Variants in NBAS observed in about 807,000 individuals in gnomAD.
NBAS encodes NBAS subunit of NRZ tethering complex.
A neutral mutation model predicts 302.5 loss-of-function variants in NBAS; 219 were observed. The ratio of observed to expected loss-of-function variants is 0.72; its 90% CI spans 0.65 to 0.81. The LOEUF is 0.81. NBAS is among the 30% of genes least tolerant of loss of function. The pLI is 0.00. For synonymous variants in NBAS, 1,118 were observed against 1,021.6 expected (o/e 1.09, Z -1.80); for missense variants, 2,932 against 2,841.6 (o/e 1.03, Z -0.72).
chr2:15,330,375 C>T (rs538140704), intron 36 of NBAS, among the ~76,000 whole-genome samples: 1 of 152,252 alleles, frequency 6.6e-6, no homozygotes, highest in Admixed American at 6.5e-5. Flanking sequence ...TAAACCGAGC[C>T]TTACCTAAAT....
chr2:14,972,303 T>G, the NBAS span, among the ~76,000 whole-genome samples: 1 of 151,636 alleles, frequency 6.6e-6, no homozygotes, highest in Non-Finnish European at 1.5e-5. Context: ...TGTTGGGGGT[T>G]GGGAGGTGAG....
intron 25 of NBAS, among the ~76,000 whole-genome samples, chr2:15,415,092 A>G (rs1342201145): frequency 6.6e-6 from 1 of 152,248 alleles, no homozygotes; most frequent in African/African-American, 2.4e-5. Context: ...TTGTGGAATT[A>G]GAATACTATG....
At chr2:15,259,112 G>A (rs1198307703) in intron 44 of NBAS, among the ~76,000 whole-genome samples, 1 of 152,046 alleles carries the variant, frequency 6.6e-6, no homozygotes, top group East Asian at 1.9e-4. Context: ...AATATATGCT[G>A]CAATAATTGA....
intron 23 of NBAS, among the ~76,000 whole-genome samples, chr2:15,420,246 C>T (rs1383349970): frequency 2.0e-5 from 3 of 152,104 alleles, no homozygotes. Context: ...AGAAGAATTA[C>T]AAGAAAGAAG....
intron 38 of NBAS, among the ~76,000 whole-genome samples, chr2:15,326,751 T>C (rs1047004604): frequency 6.6e-6 from 1 of 152,058 alleles, no homozygotes; most frequent in Non-Finnish European, 1.5e-5. Context: ...GAAGGATAGG[T>C]AGAAAAACAT....
the NBAS span, among the ~76,000 whole-genome samples, chr2:14,816,926 GTCT>G: frequency 1.3e-5 from 2 of 152,208 alleles, no homozygotes; most frequent in African/African-American, 2.4e-5. Flanking sequence ...TCCTGTGAAA[GTCT>G]TCTTCCCACG....
chr2:15,198,971 A>G (rs1665748620), intron 48 of NBAS, among the ~76,000 whole-genome samples: 1 of 151,944 alleles, frequency 6.6e-6, no homozygotes, highest in Non-Finnish European at 1.5e-5. Context: ...CTAAAAACAC[A>G]AAAAATTAGC....
At chr2:15,247,297 G>T (rs999044585) in intron 44 of NBAS, among the ~76,000 whole-genome samples, 2 of 152,158 alleles carry the variant, frequency 1.3e-5, no homozygotes, top group African/African-American at 4.8e-5. Flanking sequence ...AAATTGTAAA[G>T]ACCATCTATG....
chr2:15,287,466 T>C (rs1341385263), intron 41 of NBAS, among the ~76,000 whole-genome samples: 1 of 152,158 alleles, frequency 6.6e-6, no homozygotes, highest in Non-Finnish European at 1.5e-5. Context: ...TCTGAAAACA[T>C]TGTGAGCATA....
At chr2:15,149,666 T>C in the NBAS span, among the ~76,000 whole-genome samples, 1 of 152,092 alleles carries the variant, frequency 6.6e-6, no homozygotes, top group Admixed American at 6.5e-5. Context: ...TTTGTATTTT[T>C]GGTAGAAACA....
rs1180955181 is a variant in NBAS, at chr2:15,232,511, A to T, written c.6147T>A (p.Ser2049Arg). Reference sequence around the variant, plus strand: ...GCCCACCAAGGTCAGCACTGCCACCACTGTGAAAAGAGAGATAAACTGATT... The same window carrying T: ...GCCCACCAAGGTCAGCACTGCCACCTCTGTGAAAAGAGAGATAAACTGATT... ...SAIMKIISALSGGSADLGGPR... is the reference protein window; with the variant it reads ...SAIMKIISALRGGSADLGGPR... The change falls in exon 47 of 52, where the codon AGT becomes AGA. Residue 2049 changes from serine to arginine, a missense_variant and splice_region_variant. Ser to Arg is a moderately radical substitution (Grantham distance 110). Coordinates refer to ENST00000281513, the MANE Select transcript of NBAS (RefSeq NM_015909.4). The T allele has an allele frequency of 6.2e-7, 1 of 1,613,306 alleles. No homozygotes were observed. Among genetic ancestry groups the T allele is most frequent in the Non-Finnish European group, 8.5e-7 (1 of 1,179,708 alleles).
chr2:14,849,016 C>T, the NBAS span, among the ~76,000 whole-genome samples: 16 of 151,254 alleles, frequency 1.1e-4, no homozygotes, highest in African/African-American at 2.4e-4. Context: ...AAACGCAGAG[C>T]GCCTCTCCTC....
chr2:15,232,459 C>T lies in NBAS; in HGVS notation c.6199G>A (p.Gly2067Ser), dbSNP rs1667420871. Residue 2067 changes from glycine to serine, a missense_variant, in exon 47 of 52, where the codon GGT (glycine) becomes AGT (serine). Gly to Ser is a moderately conservative substitution (Grantham distance 56, BLOSUM62 0). Coordinates refer to ENST00000281513, the MANE Select transcript of NBAS (RefSeq NM_015909.4). The part of the protein sequence containing the change: ...GPRDPLKVLE[G>S]VVAAVHASVD... ...CTGGCGTGGACTGCTGCAACAACACCTTCCAGGACCTTCAGTGGGTCCCTT... is the reference window on the plus strand; with the variant it reads ...CTGGCGTGGACTGCTGCAACAACACTTTCCAGGACCTTCAGTGGGTCCCTT... 2 of 1,613,988 alleles carry T rather than the reference C, an allele frequency of 1.2e-6. No homozygotes were observed.
At chr2:15,295,330 T>A (rs1307040200) in intron 40 of NBAS, among the ~76,000 whole-genome samples, 1 of 152,192 alleles carries the variant, frequency 6.6e-6, no homozygotes, top group African/African-American at 2.4e-5. Flanking sequence ...CCACATACAA[T>A]CTTCGCATGT....
the NBAS span, among the ~76,000 whole-genome samples, chr2:15,157,056 C>A: frequency 2.0e-5 from 3 of 152,084 alleles, no homozygotes; most frequent in Non-Finnish European, 1.5e-5. Flanking sequence ...CTACCTGAAA[C>A]CTGTCTATGC....
At chr2:15,016,221 A>G in the NBAS span, among the ~76,000 whole-genome samples, 347 of 152,250 alleles carry the variant, frequency 2.3e-3, 1 homozygote, top group Non-Finnish European at 2.8e-3. Context: ...AGAGACAATG[A>G]CAGCCAAGCA....
chr2:15,181,540 C>G (rs1016619770), intron 50 of NBAS, among the ~76,000 whole-genome samples: 1 of 152,164 alleles, frequency 6.6e-6, no homozygotes, highest in Non-Finnish European at 1.5e-5. Flanking sequence ...CAAGAAAGGT[C>G]GAAGCAGCAG....
intron 7 of NBAS, 27 bp from the exon 8 acceptor site, chr2:15,536,578 C>CAA: frequency 6.6e-7 from 1 of 1,522,326 alleles, no homozygotes; most frequent in Non-Finnish European, 8.9e-7. Context: ...AATTAAGTTA[C>CAA]TAAAAAAAAA....
chr2:15,316,874 G>GAACCAC (rs1158207254), intron 38 of NBAS, among the ~76,000 whole-genome samples: 2 of 152,182 alleles, frequency 1.3e-5, no homozygotes, highest in African/African-American at 4.8e-5. Context: ...GAGAGCAGTG[G>GAACCAC]TTCTCCCAGC....
Sources: allele counts gnomAD v4.1 joint callset (sites outside exome capture counted in the v4.1 genomes callset), GRCh38; gene constraint gnomAD v4.1.1; transcripts MANE v1.5; gene names NCBI Gene and HGNC (gene_info 2026-07-23, HGNC 2026-07-21).